ZNF845: variants seen among roughly 807,000 people sequenced by gnomAD.
ZNF845 encodes zinc finger protein 845.
A neutral mutation model predicts 76.1 loss-of-function variants in ZNF845; 59 were observed. The ratio of observed to expected loss-of-function variants is 0.78; its 90% CI spans 0.63 to 0.96. The LOEUF is 0.96. ZNF845 is among the 40% of genes least tolerant of loss of function. The pLI, the probability that ZNF845 is intolerant of heterozygous loss-of-function variation, is 0.00. For synonymous variants in ZNF845, 361 were observed against 386.9 expected (o/e 0.93, Z 0.78); for missense variants, 1,045 against 1,172.8 (o/e 0.89, Z 1.59).
chr19:53,334,846 G>C (rs1335480312), intron 1 of ZNF845, among the ~76,000 whole-genome samples: 2 of 152,118 alleles, frequency 1.3e-5, no homozygotes, highest in East Asian at 1.9e-4. Flanking sequence ...GGAGGTCCAG[G>C]CTGCAGTGAG....
At position 53,354,396 on chromosome 19, in the gene ZNF845, C is replaced by T. The variant is rs971636900; in HGVS notation, c.*808C>T. On this transcript the variant is annotated 3_prime_UTR_variant, in exon 4 of 4. Coordinates refer to ENST00000458035, the MANE Select transcript of ZNF845 (RefSeq NM_138374.3). ...TTTATGTTAAGAAGATTGGGCCAGG[C>T]GGGGTGGCTCACGCCTGTAATCCCA... 26 of 288,822 alleles carry T rather than the reference C, an allele frequency of 9.0e-5. No individual in the cohort carries two copies. The highest frequency in any genetic ancestry group is 1.7e-4 in the Non-Finnish European group (24 of 142,008). The allele number at this position is 288,822 out of a possible 1,614,324, so 17.9% of individuals were successfully genotyped here.
chr19:53,338,724 A>G (rs376682492), intron 1 of ZNF845, among the ~76,000 whole-genome samples: 1,578 of 101,032 alleles, frequency 0.016, 12 homozygotes, highest in Middle Eastern at 0.054. Context: ...ACACACACGC[A>G]CACACACACT....
At position 53,354,129 on chromosome 19, in the gene ZNF845, C is replaced by T. The variant is rs570057073; in HGVS notation, c.*541C>T. On this transcript the variant is annotated 3_prime_UTR_variant, in exon 4 of 4. Transcript: ENST00000458035. ...CAAAGCCTTTACTTCACGTTCACAC[C>T]TAATTAGACATCAGAGAATCCATAC... The T allele has an allele frequency of 1.6e-6, 1 of 623,984 alleles. No individual in the cohort carries two copies. The highest frequency in any genetic ancestry group is 2.8e-6 in the Non-Finnish European group (1 of 351,084). 38.7% of individuals were successfully genotyped at this position (623,984 alleles called of 1,614,324 possible).
chr19:53,341,679 A>G (rs556046731), intron 2 of ZNF845, among the ~76,000 whole-genome samples: 99 of 152,312 alleles, frequency 6.5e-4, no homozygotes, highest in African/African-American at 2.2e-3. Context: ...GCAGCTGCCA[A>G]TGGAAGTCAT....
intron 1 of ZNF845, among the ~76,000 whole-genome samples, chr19:53,337,485 ATTC>A (rs1484370302): frequency 1.3e-5 from 2 of 152,016 alleles, no homozygotes; most frequent in African/African-American, 4.8e-5. Flanking sequence ...GGTTCAAGCA[ATTC>A]TTCTGCCTCA....
chr19:53,352,982 T>C lies in ZNF845; in HGVS notation c.2307T>C (p.His769=), dbSNP rs1313515111. ...KSSLEKHRRI[H]TGEKPYKCKV... is the part of the protein sequence containing the mutation. Reference sequence around the variant, plus strand: ...GCCTTGAAAAACACAGGAGAATTCATACTGGAGAGAAACCATACAAATGTA... The same window carrying C: ...GCCTTGAAAAACACAGGAGAATTCACACTGGAGAGAAACCATACAAATGTA... Residue 769 remains histidine, a synonymous_variant, in exon 4 of 4, where the codon CAT becomes CAC. Transcript: ENST00000458035. 1 of 1,614,072 alleles carries C rather than the reference T, an allele frequency of 6.2e-7. No homozygotes were observed. The highest frequency in any genetic ancestry group is 1.1e-5 in the South Asian group (1 of 91,074).
Position 53,352,925 on chromosome 19 carries a change from A to G in ZNF845, c.2250A>G (p.Glu750=). 1 of 1,613,406 alleles carries G rather than the reference A, an allele frequency of 6.2e-7. No homozygotes were observed. Among genetic ancestry groups the G allele is most frequent in the Non-Finnish European group, 8.5e-7 (1 of 1,179,826 alleles). ...LHTGEKPYKC[E]ECDKVFSRKS... ...CTGGAGAGAAACCTTACAAATGTGA[A>G]GAATGTGACAAAGTTTTCAGTCGCA... The change falls in exon 4 of 4, where the codon GAA becomes GAG. Residue 750 remains glutamate (E), a synonymous_variant. Coordinates refer to ENST00000458035, the MANE Select transcript of ZNF845 (RefSeq NM_138374.3).
At chr19:53,333,846 T>G (rs1340937360) in intron 1 of ZNF845, 54 bp downstream of exon 1, 2 of 157,794 alleles carry the variant, frequency 1.3e-5, no homozygotes, top group Non-Finnish European at 2.8e-5. Flanking sequence ...CCCCGGCGCT[T>G]CTGTACCTGG....
chr19:53,343,206 T>C (rs573177417), intron 2 of ZNF845, among the ~76,000 whole-genome samples: 102 of 152,358 alleles, frequency 6.7e-4, no homozygotes, highest in South Asian at 5.6e-3. Flanking sequence ...CTTCTTTGTG[T>C]TCCAGTAAAT....
At chr19:53,349,424 C>T (rs1187226905) in intron 3 of ZNF845, among the ~76,000 whole-genome samples, 1 of 151,514 alleles carries the variant, frequency 6.6e-6, no homozygotes, top group Non-Finnish European at 1.5e-5. Context: ...GCCATCACAC[C>T]CGGCTAATTT....
At position 53,353,308 on chromosome 19, in the gene ZNF845, A is replaced by G. The variant is rs1486092225; in HGVS notation, c.2633A>G (p.His878Arg). ...AGAAAAGCAAACCTTTCACGTCATC[A>G]TAGACTTCATACTGGAGAGAAACCT... ...FNRKANLSRHHRLHTGEKPYK... is the reference protein window; with the variant it reads ...FNRKANLSRHRRLHTGEKPYK... The change falls in exon 4 of 4, where the codon CAT becomes CGT. Residue 878 changes from histidine to arginine, a missense_variant. Coordinates refer to ENST00000458035, the MANE Select transcript of ZNF845 (RefSeq NM_138374.3). 4 of 1,613,464 alleles carry G rather than the reference A, an allele frequency of 2.5e-6. No individual in the cohort carries two copies. Among genetic ancestry groups the G allele is most frequent in the South Asian group, 2.2e-5 (2 of 91,038 alleles).
Position 53,352,385 on chromosome 19 carries a change from AG to A in ZNF845, c.1711del (p.Ala571GlnfsTer5), listed in dbSNP as rs1400347630. On this transcript the variant is annotated frameshift_variant, in exon 4 of 4. Coordinates refer to ENST00000458035, the MANE Select transcript of ZNF845 (RefSeq NM_138374.3). LOFTEE classifies it high-confidence loss of function. Reference sequence around the variant, plus strand: ...GGCAGTCAGCACTTATTTACCATCAAGCAATCCATGGTATAGGGAAACTTTA... The same window carrying A: ...GGCAGTCAGCACTTATTTACCATCAACAATCCATGGTATAGGGAAACTTTA... Reference protein sequence around the residue: ...RGQSALIYHQAIHGIGKLYKC... With the variant: ...RGQSALIYHQXIHGIGKLYKC... 5 of 1,613,556 alleles carry A rather than the reference AG, an allele frequency of 3.1e-6. No individual in the cohort carries two copies. Among genetic ancestry groups the A allele is most frequent in the Non-Finnish European group, 4.2e-6 (5 of 1,179,776 alleles).
chr19:53,352,080 T>C lies in ZNF845; in HGVS notation c.1405T>C (p.Cys469Arg). ...TCATACTGGAGAGAAACCTTACAAG[T>C]GTAATGATTGTGGCAAGACCTTCAG... ...RIHTGEKPYK[C>R]NDCGKTFSQT... The change falls in exon 4 of 4, where the codon TGT becomes CGT. Residue 469 changes from cysteine to arginine, a missense_variant. Physicochemically the swap from Cys to Arg is radical, Grantham distance 180. Transcript: ENST00000458035. 6.2e-7 allele frequency: 1 copy of C among 1,613,922 alleles called. No homozygotes were observed.
At chr19:53,346,443 G>T in intron 3 of ZNF845, 1 of 372,714 alleles carries the variant, frequency 2.7e-6, no homozygotes, top group African/African-American at 2.2e-5. Context: ...CACTTTGGGA[G>T]GCCGAGGCAG....
rs746386737 is a variant in ZNF845 at position 53,351,330 on chromosome 19, G to T, written c.655G>T (p.Glu219Ter). The part of the protein sequence containing the change: ...HMREKSFQCN[E>*]SGKAFNYSSV... ...GAGAGAAAAATCTTTCCAATGTAAT[G>T]AGAGTGGCAAAGCCTTTAATTATAG... The change falls in exon 4 of 4, where the codon GAG (glutamate) becomes TAG (stop). Residue 219 changes from glutamate (E) to a stop codon, truncating the protein, a stop_gained. Coordinates refer to ENST00000458035, the MANE Select transcript of ZNF845 (RefSeq NM_138374.3). LOFTEE classifies it high-confidence loss of function. 3 of 1,614,216 alleles carry T rather than the reference G, an allele frequency of 1.9e-6. No homozygotes were observed. The Admixed American group carries it at 5.0e-5, about 27-fold the overall frequency.
rs1260225907 is a variant in ZNF845, at chr19:53,351,422, C to A, written c.747C>A (p.Gly249=). ...GAKQYKCDVC[G]KVFNQKRYLA... ...AACAATATAAATGTGATGTGTGTGG[C>A]AAGGTCTTTAATCAAAAGCGATATC... is the stretch of plus-strand genomic sequence containing the variant. Residue 249 remains glycine (G), a synonymous_variant, in exon 4 of 4, where the codon GGC becomes GGA. Coordinates refer to ENST00000458035, the MANE Select transcript of ZNF845 (RefSeq NM_138374.3). 1 of 1,614,196 alleles carries A rather than the reference C, an allele frequency of 6.2e-7. No individual in the cohort carries two copies. The highest frequency in any genetic ancestry group is 8.5e-7 in the Non-Finnish European group (1 of 1,180,030).
chr19:53,347,449 T>A (rs74178318), intron 3 of ZNF845, among the ~76,000 whole-genome samples: 2 of 148,202 alleles, frequency 1.3e-5, no homozygotes, highest in South Asian at 2.1e-4. Flanking sequence ...GCTGTTTTTT[T>A]TTTTTTTTTT....
intron 3 of ZNF845, among the ~76,000 whole-genome samples, chr19:53,347,279 T>C (rs59708463): frequency 0.097 from 14,596 of 151,148 alleles, 1,042 homozygotes; most frequent in Admixed American, 0.19. Context: ...TTCTTTCTTT[T>C]TTTTTTTTTT....
chr19:53,343,315 TG>T (rs1219591152), intron 2 of ZNF845, among the ~76,000 whole-genome samples: 4 of 152,200 alleles, frequency 2.6e-5, no homozygotes. Context: ...CATTAGAAAT[TG>T]ACTGGATGAC....
Sources: allele counts gnomAD v4.1 joint callset (sites outside exome capture counted in the v4.1 genomes callset), GRCh38; gene constraint gnomAD v4.1.1; transcripts MANE v1.5; gene names NCBI Gene and HGNC (gene_info 2026-07-23, HGNC 2026-07-21).